BACH2: variants seen among roughly 807,000 people sequenced by gnomAD.
The protein encoded by BACH2 is BACH transcriptional regulator 2.
Under a neutral mutation model 61.8 loss-of-function variants are expected in BACH2, and 5 were observed. That is an observed-to-expected ratio of 0.08 (90% CI 0.04 to 0.17). The LOEUF (loss-of-function observed/expected upper bound fraction) is 0.17. Ranked by LOEUF, BACH2 falls within the 10% of genes least tolerant of loss-of-function variation. BACH2 has a pLI of 1.00. For missense variants in BACH2, 824 were observed against 1,091.1 expected, an observed-to-expected ratio of 0.76 and a Z score of 3.45; for synonymous variants, 446 against 440.1, an observed-to-expected ratio of 1.01 and a Z score of -0.17.
chr6:90,192,100 A>G (rs1294312069), intron 4 of BACH2, among the ~76,000 whole-genome samples: 4 of 152,212 alleles, frequency 2.6e-5, no homozygotes, highest in Non-Finnish European at 5.9e-5. Flanking sequence ...GAACAATAAG[A>G]CAGCAATATA....
At chr6:90,140,952 C>CAGAT (rs1426561364) in intron 4 of BACH2, among the ~76,000 whole-genome samples, 1 of 152,054 alleles carries the variant, frequency 6.6e-6, no homozygotes, top group Non-Finnish European at 1.5e-5. Flanking sequence ...CTTATCTATG[C>CAGAT]AGATATTCAT....
At chr6:89,938,379 A>G in intron 7 of BACH2, 29 bp from the exon 8 acceptor site, 2 of 1,577,456 alleles carry the variant, frequency 1.3e-6, no homozygotes, top group Non-Finnish European at 1.7e-6. Context: ...GAAAATGATT[A>G]TGGCAGCTGG....
chr6:90,234,554 T>C (rs1188194754), intron 3 of BACH2, among the ~76,000 whole-genome samples: 1 of 152,168 alleles, frequency 6.6e-6, no homozygotes, highest in Non-Finnish European at 1.5e-5. Context: ...AAAGGTCACT[T>C]TCAGAAGTGG....
chr6:90,079,641 A>G (rs1423049410), intron 5 of BACH2, among the ~76,000 whole-genome samples: 1 of 152,218 alleles, frequency 6.6e-6, no homozygotes, highest in Non-Finnish European at 1.5e-5. Context: ...TACCAGACAG[A>G]TGCAAAGATG....
rs137923825 is a variant in BACH2, at chr6:90,028,731, T to C, written c.-12-19875A>G. Among the ~76,000 whole-genome samples, 12 of 152,214 alleles carry C rather than the reference T, an allele frequency of 7.9e-5. No individual in the cohort carries two copies. The East Asian group carries it at 2.3e-3, about 29-fold the overall frequency. On this transcript the variant is annotated intron_variant, in intron 5 of 8. Coordinates refer to ENST00000257749, the MANE Select transcript of BACH2 (RefSeq NM_021813.4). Reference sequence around the variant, plus strand: ...TTAGATACTGCATACAAAGATGGTCTACAGAGGCAAGGTAGTGCAGTGGTT... The same window carrying C: ...TTAGATACTGCATACAAAGATGGTCCACAGAGGCAAGGTAGTGCAGTGGTT...
chr6:90,090,414 T>C lies in BACH2; in HGVS notation c.-161-1305A>G, dbSNP rs116873558. On this transcript the variant is annotated intron_variant, in intron 4 of 8. Coordinates refer to ENST00000257749, the MANE Select transcript of BACH2 (RefSeq NM_021813.4). ...TGAGAGTCTTGATTTTCTAGAAAGA[T>C]TGCACCAATTTATATTTTTTTTCAG... Among the ~76,000 whole-genome samples the C allele has an allele frequency of 1.2e-3, 181 of 152,298 alleles. 2 individuals carry two copies. Among genetic ancestry groups the C allele is most frequent in the Non-Finnish European group, 2.0e-3 (139 of 68,020 alleles).
intron 7 of BACH2, among the ~76,000 whole-genome samples, chr6:89,948,622 T>C (rs576140276): frequency 1.3e-5 from 2 of 152,300 alleles, no homozygotes; most frequent in South Asian, 4.1e-4. Context: ...CGCAGTGACT[T>C]GCCTTCCACA....
intron 3 of BACH2, among the ~76,000 whole-genome samples, chr6:90,222,926 C>G (rs1394118661): frequency 6.6e-6 from 1 of 152,004 alleles, no homozygotes; most frequent in Non-Finnish European, 1.5e-5. Flanking sequence ...CGAAACTACT[C>G]AACCCGCCAC....
intron 1 of BACH2, among the ~76,000 whole-genome samples, chr6:90,292,286 A>G (rs944179478): frequency 6.6e-6 from 1 of 152,238 alleles, no homozygotes; most frequent in Non-Finnish European, 1.5e-5. Context: ...GAATCAATGA[A>G]GTACATTCAG....
At chr6:89,949,941 AG>A (rs1445119126) in intron 7 of BACH2, among the ~76,000 whole-genome samples, 3 of 151,422 alleles carry the variant, frequency 2.0e-5, no homozygotes, top group African/African-American at 7.3e-5. Flanking sequence ...CAGGTGTAGG[AG>A]GGGGAGAGAG....
At chr6:90,068,625 AC>A (rs1392972478) in intron 5 of BACH2, among the ~76,000 whole-genome samples, 1 of 151,936 alleles carries the variant, frequency 6.6e-6, no homozygotes, top group East Asian at 1.9e-4. Flanking sequence ...GTGGGGAGAA[AC>A]AGGTTGTTGT....
chr6:90,205,446 T>C (rs1192713377), intron 4 of BACH2, among the ~76,000 whole-genome samples: 1 of 152,210 alleles, frequency 6.6e-6, no homozygotes, highest in Non-Finnish European at 1.5e-5. Context: ...TCTGTCCCCG[T>C]ATGGGACATT....
At chr6:90,097,587 G>T (rs1044503951) in intron 4 of BACH2, among the ~76,000 whole-genome samples, 1 of 152,042 alleles carries the variant, frequency 6.6e-6, no homozygotes, top group African/African-American at 2.4e-5. Context: ...ACCACATAAA[G>T]ATACTTGGAA....
At chr6:90,070,340 C>A (rs1282689800) in intron 5 of BACH2, among the ~76,000 whole-genome samples, 1 of 152,172 alleles carries the variant, frequency 6.6e-6, no homozygotes, top group Non-Finnish European at 1.5e-5. Flanking sequence ...GACCAGGAAG[C>A]ACATGGACTG....
intron 5 of BACH2, among the ~76,000 whole-genome samples, chr6:90,054,828 T>A (rs763961546): frequency 6.6e-6 from 1 of 152,186 alleles, no homozygotes; most frequent in Non-Finnish European, 1.5e-5. Context: ...TATCTGCTGT[T>A]CTGCAGCCAC....
chr6:90,059,823 T>C (rs537404629), intron 5 of BACH2, among the ~76,000 whole-genome samples: 187 of 151,912 alleles, frequency 1.2e-3, no homozygotes, highest in African/African-American at 4.4e-3. Flanking sequence ...ATGTCCTTTG[T>C]AGGGACATGG....
At chr6:90,131,467 A>C (rs543257553) in intron 4 of BACH2, among the ~76,000 whole-genome samples, 1 of 152,314 alleles carries the variant, frequency 6.6e-6, no homozygotes, top group Non-Finnish European at 1.5e-5. Flanking sequence ...ACCTGCTGAG[A>C]ACCAGGGGAG....
rs60187570 is a variant in BACH2 at position 90,196,127 on chromosome 6, CT to C, written c.-162+10441del. ...AACAAGGGTCCATTCAATGCAAGTA[CT>C]TTTTTTTTTTTTAATCTCCATTTCA... On this transcript the variant is annotated intron_variant, in intron 4 of 8. Transcript: ENST00000257749. 8.2e-3 allele frequency among the ~76,000 whole-genome samples: 1,167 copies of C among 142,464 alleles called. 1 individual carries two copies. Among genetic ancestry groups the C allele is most frequent in the African/African-American group, 0.017 (671 of 38,986 alleles). 93.5% of individuals were successfully genotyped at this position (142,464 alleles called of 152,430 possible).
At chr6:90,022,849 G>A (rs1248615240) in intron 5 of BACH2, among the ~76,000 whole-genome samples, 2 of 152,122 alleles carry the variant, frequency 1.3e-5, no homozygotes, top group Admixed American at 6.5e-5. Context: ...GATTATGACC[G>A]AATAATTCCA....
Sources: allele counts gnomAD v4.1 joint callset (sites outside exome capture counted in the v4.1 genomes callset), GRCh38; gene constraint gnomAD v4.1.1; transcripts MANE v1.5; gene names NCBI Gene and HGNC (gene_info 2026-07-23, HGNC 2026-07-21).